Variants in CDKL4 observed in about 807,000 individuals in gnomAD.
CDKL4 encodes the protein cyclin-dependent kinase-like 4.
A neutral mutation model predicts 42.0 loss-of-function variants in CDKL4; 44 were observed. The ratio of observed to expected loss-of-function variants is 1.05; its 90% confidence interval spans 0.82 to 1.35. The LOEUF (loss-of-function observed/expected upper bound fraction) is 1.35, where lower values mean the gene tolerates loss of function less well. Among genes scored for constraint, CDKL4 ranks in the 40% most tolerant of loss-of-function variants. The pLI is 0.00. For synonymous variants in CDKL4, 120 were observed against 121.6 expected (o/e 0.99, Z 0.09); for missense variants, 393 against 369.9 (o/e 1.06, Z -0.51).
intron 3 of CDKL4, among the ~76,000 whole-genome samples, chr2:39,223,511 A>G (rs1277269670): frequency 6.6e-6 from 1 of 150,596 alleles, no homozygotes; most frequent in African/African-American, 2.5e-5. Context: ...CTTGCTAAAA[A>G]GTTTTGAATT....
At chr2:39,243,111 C>G (rs1260892872) in intron 1 of CDKL4, among the ~76,000 whole-genome samples, 2 of 40,574 alleles carry the variant, frequency 4.9e-5, no homozygotes, top group African/African-American at 2.2e-4. Flanking sequence ...GAGACCCTGT[C>G]TCAAAAAAAA....
chr2:39,225,908 C>T (rs1678682040), exon 3 of CDKL4: 2 of 1,611,158 alleles, frequency 1.2e-6, no homozygotes, highest in Non-Finnish European at 1.7e-6. Context: ...ATGCATTTTC[C>T]TTTTTCTCCT....
chr2:39,225,615 T>A (rs1458121533), intron 3 of CDKL4, among the ~76,000 whole-genome samples: 1 of 152,208 alleles, frequency 6.6e-6, no homozygotes, highest in Non-Finnish European at 1.5e-5. Flanking sequence ...TAGCCTCAAA[T>A]TCATTTTGAT....
chr2:39,190,287 A>C lies in CDKL4; in HGVS notation c.652+18T>G. 6.3e-7 allele frequency: 1 copy of C among 1,599,562 alleles called. No individual in the cohort carries two copies. The highest frequency in any genetic ancestry group is 8.6e-7 in the Non-Finnish European group (1 of 1,167,244). On this transcript the variant is annotated intron_variant, in intron 6 of 9. Transcript: ENST00000451199. Reference sequence around the variant, plus strand: ...ATAACAATTCAGCAACTCTGTTGCCATAAAATGCAATTCATACCTAGTGTT... The same window carrying C: ...ATAACAATTCAGCAACTCTGTTGCCCTAAAATGCAATTCATACCTAGTGTT...
chr2:39,220,476 G>A (rs971375624), intron 3 of CDKL4, among the ~76,000 whole-genome samples: 3 of 152,174 alleles, frequency 2.0e-5, no homozygotes, highest in Non-Finnish European at 2.9e-5. Flanking sequence ...GATTTATAAC[G>A]GGGAATGTAT....
At position 39,225,699 on chromosome 2, in the gene CDKL4, C is replaced by G. The variant is rs977157314; in HGVS notation, c.290+140G>C. 3 of 752,890 alleles carry G rather than the reference C, an allele frequency of 4.0e-6. No homozygotes were observed. In the African/African-American group the frequency reaches 5.4e-5, roughly 14 times the overall value. The allele number at this position is 752,890 out of a possible 1,614,324, so 46.6% of individuals were successfully genotyped here. On this transcript the variant is annotated intron_variant, in intron 3 of 9. Coordinates refer to ENST00000451199, the Ensembl canonical transcript of CDKL4. ...ATCATTGTTTGCCTTTTGAAGACAT[C>G]CTGAGACTGGATGGGGTAGCCAGAT...
At chr2:39,234,528 T>C (rs1207576615) in intron 1 of CDKL4, among the ~76,000 whole-genome samples, 1 of 152,050 alleles carries the variant, frequency 6.6e-6, no homozygotes, top group Non-Finnish European at 1.5e-5. Context: ...GACAAAACAA[T>C]GAAACAGAAT....
chr2:39,214,862 G>C (rs1439853293), intron 3 of CDKL4, among the ~76,000 whole-genome samples: 1 of 152,188 alleles, frequency 6.6e-6, no homozygotes, highest in East Asian at 1.9e-4. Flanking sequence ...CCTCTGTATA[G>C]AAAATACTGG....
chr2:39,244,452 A>G (rs1342003751), upstream of CDKL4, among the ~76,000 whole-genome samples: 1 of 152,220 alleles, frequency 6.6e-6, no homozygotes, highest in Non-Finnish European at 1.5e-5. Context: ...TGGGTCCCCC[A>G]GCAGTGCCAG....
Position 39,237,123 on chromosome 2 carries a change from A to G in CDKL4, c.-57+6748T>C, listed in dbSNP as rs577633105. On this transcript the variant is annotated intron_variant, in intron 1 of 9. Coordinates refer to ENST00000451199, the Ensembl canonical transcript of CDKL4. The stretch of plus-strand genomic sequence containing the variant: ...AGACAAAGAAATCACAAGAACACAG[A>G]TTATTCTCATGAATGTAGACACAAG... 2.0e-5 allele frequency among the ~76,000 whole-genome samples: 3 copies of G among 152,356 alleles called. No individual in the cohort carries two copies. In the East Asian group the frequency reaches 5.8e-4, roughly 29 times the overall value.
intron 2 of CDKL4, 85 bp from the exon 3 acceptor site, chr2:39,226,045 G>T: frequency 2.2e-6 from 3 of 1,341,564 alleles, no homozygotes; most frequent in South Asian, 1.8e-5. Flanking sequence ...CTTAAAGTTG[G>T]AAGAAATTTA....
intron 5 of CDKL4, among the ~76,000 whole-genome samples, chr2:39,195,269 G>A (rs1262607285): frequency 6.6e-6 from 1 of 152,056 alleles, no homozygotes; most frequent in Non-Finnish European, 1.5e-5. Flanking sequence ...ATAAGCATTG[G>A]CATACAAATA....
chr2:39,221,020 TTTTG>T lies in CDKL4; in HGVS notation c.290+4815_290+4818del, dbSNP rs1164333920. Among the ~76,000 whole-genome samples, 957 of 135,402 alleles carry T rather than the reference TTTTG, an allele frequency of 7.1e-3. 22 individuals carry two copies. Among genetic ancestry groups the T allele is most frequent in the African/African-American group, 0.026 (888 of 34,224 alleles). The allele number at this position is 135,402 out of a possible 152,430, so 88.8% of individuals were successfully genotyped here. A position where few individuals can be genotyped will look rare whatever the true frequency, so the allele number is the denominator to read the frequency against. On this transcript the variant is annotated intron_variant, in intron 3 of 9. Coordinates refer to ENST00000451199, the Ensembl canonical transcript of CDKL4. ...TTTTTTGTTTTTTTTTTTGTTTTGT[TTTTG>T]TTTTTTGAGACAGAGTCTCGCTCTT...
At chr2:39,212,313 A>C (rs1286302415) in intron 4 of CDKL4, among the ~76,000 whole-genome samples, 1 of 151,076 alleles carries the variant, frequency 6.6e-6, no homozygotes, top group Non-Finnish European at 1.5e-5. Context: ...GGCTCACTGC[A>C]AGCTCCGCCT....
chr2:39,226,084 G>A, intron 2 of CDKL4, 124 bp from the exon 3 acceptor site: 2 of 915,162 alleles, frequency 2.2e-6, no homozygotes, highest in South Asian at 3.0e-5. Flanking sequence ...TATAATAAGT[G>A]GTAACAAAAT....
At chr2:39,222,916 G>C (rs766203572) in intron 3 of CDKL4, among the ~76,000 whole-genome samples, 2 of 151,894 alleles carry the variant, frequency 1.3e-5, no homozygotes, top group Non-Finnish European at 2.9e-5. Context: ...ATTTAGTGCA[G>C]GATAAAGTTT....
chr2:39,199,750 C>G (rs1459960394), intron 5 of CDKL4, among the ~76,000 whole-genome samples: 2 of 152,096 alleles, frequency 1.3e-5, no homozygotes, highest in Non-Finnish European at 2.9e-5. Context: ...AAGGTCATCT[C>G]AATAGATGCA....
chr2:39,178,541 T>C (rs1318838335), intron 9 of CDKL4: 8 of 1,550,410 alleles, frequency 5.2e-6, no homozygotes, highest in African/African-American at 1.4e-5. Context: ...CCTATTTCCA[T>C]GGAGTTTACG....
chr2:39,232,383 G>A (rs1679128553), intron 1 of CDKL4, among the ~76,000 whole-genome samples: 1 of 152,132 alleles, frequency 6.6e-6, no homozygotes, highest in African/African-American at 2.4e-5. Flanking sequence ...CAGAGTTTCT[G>A]GAGGCAGTAA....
Sources: gnomAD v4.1 joint callset for allele counts (sites outside exome capture counted in the v4.1 genomes callset) on GRCh38, gnomAD v4.1.1 for gene constraint, MANE v1.5 for transcripts, NCBI Gene and HGNC (gene_info 2026-07-23, HGNC 2026-07-21) for gene names.